Variants in BAIAP2L2 observed in about 807,000 individuals in gnomAD.
BAIAP2L2 encodes the protein BAR/IMD domain-containing adapter protein 2-like 2.
BAIAP2L2 carries 65 observed loss-of-function variants against 60.4 expected under a neutral mutation model. That is an observed-to-expected ratio of 1.08 (90% CI 0.88 to 1.32). BAIAP2L2 has a LOEUF of 1.32. BAIAP2L2 is among the 40% of genes most tolerant of loss of function. The probability of loss-of-function intolerance (pLI) is 0.00; values close to 1 mark genes in which losing one functional copy is unlikely to be tolerated. For missense variants in BAIAP2L2, 836 were observed against 741.2 expected, an observed-to-expected ratio of 1.13 and a Z score of -1.48; for synonymous variants, 344 against 301.7, an observed-to-expected ratio of 1.14 and a Z score of -1.45.
At chr22:38,109,914 G>A (rs1043443509) in intron 1 of BAIAP2L2, among the ~76,000 whole-genome samples, 7 of 150,752 alleles carry the variant, frequency 4.6e-5, no homozygotes, top group African/African-American at 1.7e-4. Context: ...GGTGGGTGGT[G>A]TGAGGCCTCC....
intron 4 of BAIAP2L2, among the ~76,000 whole-genome samples, chr22:38,105,478 T>C (rs2086647792): frequency 6.6e-6 from 1 of 151,994 alleles, no homozygotes; most frequent in Non-Finnish European, 1.5e-5. Flanking sequence ...TAGCTGGGAT[T>C]ACAGGCGCCC....
Position 38,093,037 on chromosome 22 carries a change from A to C in BAIAP2L2, c.613-3363T>G, listed in dbSNP as rs149876662. 1.7e-3 allele frequency among the ~76,000 whole-genome samples: 252 copies of C among 152,242 alleles called. 1 individual carries two copies. The highest frequency in any genetic ancestry group is 3.0e-3 in the Non-Finnish European group (201 of 68,022). The stretch of plus-strand genomic sequence containing the variant: ...CAAAAATTAACGGGCATGGTGGTGC[A>C]TGCCTGTAATCCCAGCTACTCAGGA... On this transcript the variant is annotated intron_variant, in intron 7 of 13. Coordinates refer to ENST00000381669, the MANE Select transcript of BAIAP2L2 (RefSeq NM_025045.6).
chr22:38,087,814 C>A lies in BAIAP2L2; in HGVS notation c.1119-550G>T, dbSNP rs530788661. On this transcript the variant is annotated intron_variant, in intron 10 of 13. Transcript: ENST00000381669. The stretch of plus-strand genomic sequence containing the variant: ...CCATCCAGCACCCCCTCACCACTCA[C>A]ACCTCTCCAATCACCCATCAGTGTC... Among the ~76,000 whole-genome samples the A allele has an allele frequency of 1.4e-3, 212 of 151,854 alleles. 1 individual carries two copies. In the Middle Eastern group the frequency reaches 0.024, roughly 17 times the overall value.
chr22:38,108,761 G>A (rs1441896875), intron 2 of BAIAP2L2, among the ~76,000 whole-genome samples: 1 of 152,128 alleles, frequency 6.6e-6, no homozygotes, highest in Non-Finnish European at 1.5e-5. Context: ...TGGGTGCAGA[G>A]GTGGGACTGA....
chr22:38,104,547 G>A (rs1004448073), intron 4 of BAIAP2L2, among the ~76,000 whole-genome samples: 2 of 150,396 alleles, frequency 1.3e-5, no homozygotes, highest in Non-Finnish European at 3.0e-5. Flanking sequence ...CCAGGCTGGA[G>A]TGCAGTGGCG....
chr22:38,108,954 G>A (rs1292722949), intron 2 of BAIAP2L2, among the ~76,000 whole-genome samples, 179 bp downstream of exon 2: 1 of 151,874 alleles, frequency 6.6e-6, no homozygotes, highest in Admixed American at 6.6e-5. Context: ...GTGGGCACAG[G>A]AGAGTGGGGG....
At chr22:38,101,680 C>A (rs2086572663) in intron 4 of BAIAP2L2, among the ~76,000 whole-genome samples, 2 of 151,856 alleles carry the variant, frequency 1.3e-5, no homozygotes, top group South Asian at 4.2e-4. Flanking sequence ...ATAGTGAAAC[C>A]CCATCTCTAC....
chr22:38,085,638 C>T (rs201784822), intron 13 of BAIAP2L2, 48 bp downstream of exon 13: 290 of 1,592,978 alleles, frequency 1.8e-4, no homozygotes, highest in Middle Eastern at 1.6e-3. Context: ...TGTGTGCCGC[C>T]GCACCTGCCA....
chr22:38,088,162 C>G (rs983710698), intron 10 of BAIAP2L2, among the ~76,000 whole-genome samples: 1 of 152,268 alleles, frequency 6.6e-6, no homozygotes, highest in African/African-American at 2.4e-5. Flanking sequence ...CCAGCCCCAT[C>G]TGCCCCGTTT....
chr22:38,110,124 AGAGAGAGAGAGAGAGAGAGAGAGAGG>A (rs2086799739), intron 1 of BAIAP2L2, among the ~76,000 whole-genome samples: 1 of 46,164 alleles, frequency 2.2e-5, no homozygotes, highest in Admixed American at 2.2e-4. Flanking sequence ...AGAGAGGGAG[AGAGAGAGAGAGAGAGAGAGAGAGAGG>A]GAGAGACAGA....
At chr22:38,097,379 C>A (rs1274571030) in intron 6 of BAIAP2L2, among the ~76,000 whole-genome samples, 1 of 152,206 alleles carries the variant, frequency 6.6e-6, no homozygotes, top group Non-Finnish European at 1.5e-5. Context: ...CCCTGCGTCT[C>A]CCTCTCCCAG....
chr22:38,088,007 C>T (rs1028272111), intron 10 of BAIAP2L2, among the ~76,000 whole-genome samples: 1 of 152,180 alleles, frequency 6.6e-6, no homozygotes, highest in Non-Finnish European at 1.5e-5. Context: ...CAGGACCACT[C>T]ATCCATCCGT....
chr22:38,102,346 G>A (rs919074877), intron 4 of BAIAP2L2, among the ~76,000 whole-genome samples: 7 of 152,144 alleles, frequency 4.6e-5, no homozygotes, highest in Non-Finnish European at 1.0e-4. Context: ...ACAAAAGTAG[G>A]AGCATGAACG....
chr22:38,110,413 G>C (rs1236836749), intron 1 of BAIAP2L2, 62 bp downstream of exon 1: 3 of 1,528,354 alleles, frequency 2.0e-6, no homozygotes, highest in African/African-American at 2.7e-5. Context: ...CTCCAGAGCG[G>C]GCCTGATTTC....
chr22:38,106,485 A>C (rs904234543), intron 4 of BAIAP2L2, among the ~76,000 whole-genome samples: 5 of 148,542 alleles, frequency 3.4e-5, no homozygotes, highest in East Asian at 4.0e-4. Context: ...GTGACACTGC[A>C]CTCCAGCCTG....
At chr22:38,091,760 T>G (rs1269451294) in intron 7 of BAIAP2L2, among the ~76,000 whole-genome samples, 2 of 152,182 alleles carry the variant, frequency 1.3e-5, no homozygotes, top group Admixed American at 1.3e-4. Flanking sequence ...AACTGGCTAT[T>G]GTATTTGCAA....
chr22:38,109,092 A>T, intron 2 of BAIAP2L2, 41 bp downstream of exon 2: 1 of 1,540,432 alleles, frequency 6.5e-7, no homozygotes, highest in Non-Finnish European at 9.0e-7. Context: ...GGAACAGCAG[A>T]GGCCCAGGGC....
chr22:38,105,032 A>C (rs766059995), intron 4 of BAIAP2L2, among the ~76,000 whole-genome samples: 8 of 152,112 alleles, frequency 5.3e-5, no homozygotes, highest in Non-Finnish European at 1.2e-4. Flanking sequence ...TTACGCTCTA[A>C]TCTGTTCAGC....
In BAIAP2L2 at chr22:38,110,532, G is replaced by T. The variant is rs2086823563; in HGVS notation, c.-7C>A. 6.2e-7 allele frequency: 1 copy of T among 1,609,042 alleles called. No individual in the cohort carries two copies. The highest frequency in any genetic ancestry group is 8.5e-7 in the Non-Finnish European group (1 of 1,177,536). ...GGTCCATCTCGGGGGCCATGGAGGG[G>T]CTGTCCCGGGTCTGAGCAGGAGGCT... On this transcript the variant is annotated 5_prime_UTR_variant, in exon 1 of 14. Transcript: ENST00000381669.
Sources: gnomAD v4.1 joint callset for allele counts (sites outside exome capture counted in the v4.1 genomes callset) on GRCh38, gnomAD v4.1.1 for gene constraint, MANE v1.5 for transcripts, NCBI Gene and HGNC (gene_info 2026-07-23, HGNC 2026-07-21) for gene names.